CELF1: variants seen among roughly 807,000 people sequenced by gnomAD.
The protein encoded by CELF1 is CUGBP Elav-like family member 1, also known as 50 kDa nuclear polyadenylated RNA-binding protein.
CELF1 carries 10 observed loss-of-function variants against 61.8 expected under a neutral mutation model. The ratio of observed to expected loss-of-function variants is 0.16; its 90% confidence interval spans 0.10 to 0.27. The LOEUF (loss-of-function observed/expected upper bound fraction) is 0.27, where lower values mean the gene tolerates loss of function less well. CELF1 is among the 10% of genes least tolerant of loss of function. The probability of loss-of-function intolerance (pLI) is 1.00; values close to 1 mark genes in which losing one functional copy is unlikely to be tolerated. For synonymous variants in CELF1, 236 were observed against 225.1 expected, an observed-to-expected ratio of 1.05 and a Z score of -0.43; for missense variants, 380 against 639.1, an observed-to-expected ratio of 0.59 and a Z score of 4.37.
intron 2 of CELF1, among the ~76,000 whole-genome samples, chr11:47,559,319 G>A (rs1006186237): frequency 1.3e-5 from 2 of 150,568 alleles, no homozygotes; most frequent in Non-Finnish European, 2.9e-5. Flanking sequence ...CCCGCCTCAG[G>A]CTTCCAAAGT....
chr11:47,536,024 G>C (rs1457867860), intron 1 of CELF1, among the ~76,000 whole-genome samples: 1 of 152,106 alleles, frequency 6.6e-6, no homozygotes, highest in African/African-American at 2.4e-5. Flanking sequence ...AGCCTCCCAA[G>C]GTGCTGGGAT....
intron 1 of CELF1, among the ~76,000 whole-genome samples, chr11:47,530,829 C>T (rs2096445813): frequency 6.6e-6 from 1 of 151,960 alleles, no homozygotes; most frequent in African/African-American, 2.4e-5. Flanking sequence ...GTGGCATGTG[C>T]CTGTAGTGCC....
In CELF1 at chr11:47,558,178, T is replaced by C. The variant is rs569912020; in HGVS notation, c.-11+6173A>G. Among the ~76,000 whole-genome samples the C allele has an allele frequency of 5.3e-5, 8 of 152,058 alleles. 1 individual carries two copies. The South Asian group carries it at 1.7e-3, about 31-fold the overall frequency. On this transcript the variant is annotated intron_variant, in intron 2 of 3. Coordinates refer to the CELF1 transcript ENST00000525841. ...GGCCGGAAAGAAAACTCTTAAGGCC[T>C]GGTTACATTCAGGCGGTGCTGCGAG...
intron 1 of CELF1, among the ~76,000 whole-genome samples, chr11:47,508,636 C>T (rs2094749442): frequency 6.7e-6 from 1 of 150,370 alleles, no homozygotes; most frequent in African/African-American, 2.4e-5. Context: ...GGGTATCATC[C>T]TACTCCTAAG....
chr11:47,523,423 A>C (rs973424348), intron 1 of CELF1: 9 of 152,302 alleles, frequency 5.9e-5, no homozygotes, highest in African/African-American at 1.9e-4. Flanking sequence ...TGCCACACTC[A>C]AAAGAATTTG....
At position 47,472,149 on chromosome 11, in the gene CELF1, C is replaced by A. The variant is rs1360368959; in HGVS notation, c.*81G>T. The A allele has an allele frequency of 6.4e-7, 1 of 1,552,786 alleles. No homozygotes were observed. The highest frequency in any genetic ancestry group is 1.4e-5 in the African/African-American group (1 of 73,856). ...GGGTCCAGGGCTGTCAACACACAGC[C>A]TCAGGGCTTCGAATCATTAAGGGTG... On this transcript the variant is annotated 3_prime_UTR_variant, in exon 15 of 15. Coordinates refer to ENST00000687097, the MANE Select transcript of CELF1 (RefSeq NM_001376376.1).
chr11:47,492,849 A>G (rs556597067), intron 3 of CELF1, among the ~76,000 whole-genome samples: 56 of 152,302 alleles, frequency 3.7e-4, no homozygotes, highest in Admixed American at 3.3e-4. Flanking sequence ...CTTTCATTCT[A>G]TTTCTATTCT....
intron 5 of CELF1, 144 bp downstream of exon 5, chr11:47,487,015 G>T: frequency 1.3e-6 from 1 of 748,308 alleles, no homozygotes. Context: ...TCTCTGAACT[G>T]CTCCCTTTAT....
intron 1 of CELF1, among the ~76,000 whole-genome samples, chr11:47,521,077 C>T (rs1401552277): frequency 6.6e-6 from 1 of 151,824 alleles, no homozygotes; most frequent in Non-Finnish European, 1.5e-5. Context: ...CAGTGAAACC[C>T]CATCTCTACT....
At chr11:47,482,879 G>T (rs374096324) in intron 8 of CELF1, 23 bp from the exon 9 acceptor site, 13 of 1,595,856 alleles carry the variant, frequency 8.1e-6, no homozygotes, top group Admixed American at 1.8e-5. Flanking sequence ...CATAACGAAA[G>T]GGTCAAATTC....
chr11:47,501,387 C>T (rs112172797), intron 1 of CELF1, among the ~76,000 whole-genome samples: 185 of 152,298 alleles, frequency 1.2e-3, no homozygotes, highest in African/African-American at 4.1e-3. Context: ...GTTTCTCCTA[C>T]GTACATTGGA....
intron 14 of CELF1, among the ~76,000 whole-genome samples, chr11:47,472,789 C>T (rs2078239034): frequency 6.6e-6 from 1 of 152,198 alleles, no homozygotes; most frequent in South Asian, 2.1e-4. Context: ...AAGCGATCCT[C>T]CTGCCTTGGC....
At chr11:47,514,408 G>T (rs536591527) in intron 1 of CELF1, among the ~76,000 whole-genome samples, 1 of 152,054 alleles carries the variant, frequency 6.6e-6, no homozygotes, top group East Asian at 1.9e-4. Context: ...CCAATAAATA[G>T]AACTACCTCC....
chr11:47,498,933 G>A (rs377068196), intron 3 of CELF1, among the ~76,000 whole-genome samples: 12 of 151,980 alleles, frequency 7.9e-5, no homozygotes, highest in Non-Finnish European at 1.2e-4. Flanking sequence ...TAGACTCGGC[G>A]GGGGTGGGGG....
At chr11:47,531,281 A>C (rs888132661) in intron 1 of CELF1, among the ~76,000 whole-genome samples, 5 of 151,880 alleles carry the variant, frequency 3.3e-5, no homozygotes, top group East Asian at 3.9e-4. Flanking sequence ...ACAAAAAAAA[A>C]CAAACAGGCC....
intron 1 of CELF1, among the ~76,000 whole-genome samples, chr11:47,503,242 C>G (rs2094144330): frequency 6.6e-6 from 1 of 152,096 alleles, no homozygotes; most frequent in South Asian, 2.1e-4. Context: ...AGATGTAAAA[C>G]TGGATTAGAA....
At chr11:47,551,599 T>C (rs956978189) in intron 1 of CELF1, among the ~76,000 whole-genome samples, 3 of 152,210 alleles carry the variant, frequency 2.0e-5, no homozygotes, top group Non-Finnish European at 2.9e-5. Context: ...CAAGGATTAA[T>C]AGAGAGGCTG....
intron 3 of CELF1, among the ~76,000 whole-genome samples, chr11:47,495,222 G>A (rs527498114): frequency 6.6e-6 from 1 of 152,308 alleles, no homozygotes; most frequent in East Asian, 1.9e-4. Context: ...GTGGTCAAAA[G>A]ACAATGGGTC....
At chr11:47,522,477 G>GC (rs2095976974) in intron 1 of CELF1, among the ~76,000 whole-genome samples, 2 of 151,792 alleles carry the variant, frequency 1.3e-5, no homozygotes. Flanking sequence ...CTGAGATTGT[G>GC]CCATTGCACT....
Sources: allele counts gnomAD v4.1 joint callset (sites outside exome capture counted in the v4.1 genomes callset), GRCh38; gene constraint gnomAD v4.1.1; transcripts MANE v1.5; gene names NCBI Gene and HGNC (gene_info 2026-07-23, HGNC 2026-07-21).